The following ERCC6L2 variants were observed in gnomAD, a reference collection of about 807,000 sequenced individuals.
ERCC6L2 encodes the protein ERCC excision repair 6 like 2, also known as DNA excision repair protein ERCC-6-like 2.
Under a neutral mutation model 132.0 loss-of-function variants are expected in ERCC6L2, and 77 were observed. That is an observed-to-expected ratio of 0.58 (90% CI 0.49 to 0.71). The LOEUF is 0.71. ERCC6L2 is among the 30% of genes least tolerant of loss of function. ERCC6L2 has a pLI of 0.00. For synonymous variants in ERCC6L2, 583 were observed against 632.4 expected (o/e 0.92, Z 1.17); for missense variants, 1,542 against 1,837.6 (o/e 0.84, Z 2.94).
intron 17 of ERCC6L2, among the ~76,000 whole-genome samples, chr9:95,980,628 C>T (rs1274540679): frequency 6.6e-6 from 1 of 152,116 alleles, no homozygotes; most frequent in Non-Finnish European, 1.5e-5. Flanking sequence ...ATGAGGAAAT[C>T]ATTGAAACAC....
At chr9:95,976,252 C>CTTG (rs1470787513) in intron 16 of ERCC6L2, among the ~76,000 whole-genome samples, 1 of 152,150 alleles carries the variant, frequency 6.6e-6, no homozygotes, top group Admixed American at 6.6e-5. Context: ...TGCCCTCATC[C>CTTG]TTGTTCTTCC....
rs774799814 is a variant in ERCC6L2, at chr9:95,916,444, G to A, written c.1158+10G>A. ...TAAGAAGGAAGACCGGGTAAGAACCGCATTTGTATATATTATTAATTTGTG... is the reference window on the plus strand; with the variant it reads ...TAAGAAGGAAGACCGGGTAAGAACCACATTTGTATATATTATTAATTTGTG... On this transcript the variant is annotated intron_variant, in intron 6 of 18. Coordinates refer to ENST00000653738, the MANE Select transcript of ERCC6L2 (RefSeq NM_020207.7). 1.8e-5 allele frequency: 27 copies of A among 1,502,932 alleles called. No homozygotes were observed. Among genetic ancestry groups the A allele is most frequent in the South Asian group, 4.2e-5 (3 of 72,234 alleles). The allele number at this position is 1,502,932 out of a possible 1,614,324, so 93.1% of individuals were successfully genotyped here. A position where few individuals can be genotyped will look rare whatever the true frequency, so the allele number is the denominator to read the frequency against.
downstream of ERCC6L2, chr9:96,020,322 G>C (rs755791746): frequency 1.1e-5 from 2 of 178,810 alleles, no homozygotes; most frequent in Non-Finnish European, 2.4e-5. Flanking sequence ...GGGAAACAGA[G>C]CCAAACCATA....
At chr9:95,935,526 T>C (rs1830515657) in intron 11 of ERCC6L2, among the ~76,000 whole-genome samples, 1 of 152,040 alleles carries the variant, frequency 6.6e-6, no homozygotes, top group Non-Finnish European at 1.5e-5. Flanking sequence ...TTCAGAAACA[T>C]GTAAAAGGAT....
intron 2 of ERCC6L2, among the ~76,000 whole-genome samples, chr9:95,890,601 T>G (rs1388410309): frequency 6.6e-6 from 1 of 152,234 alleles, no homozygotes; most frequent in Admixed American, 6.5e-5. Context: ...ACTTTGTTTA[T>G]TATATACAAG....
intron 13 of ERCC6L2, among the ~76,000 whole-genome samples, chr9:95,958,764 A>C (rs1831746791): frequency 1.3e-5 from 2 of 152,020 alleles, no homozygotes; most frequent in African/African-American, 4.8e-5. Context: ...TCATGAGTGA[A>C]CTCCCATTCA....
At chr9:96,010,975 G>A (rs1834008075) in intron 18 of ERCC6L2, among the ~76,000 whole-genome samples, 1 of 152,212 alleles carries the variant, frequency 6.6e-6, no homozygotes. Context: ...TTTTAATCAA[G>A]TGCTGCTGCA....
Position 95,889,678 on chromosome 9 carries a change from AC to A in ERCC6L2, c.472-8170del, listed in dbSNP as rs200441108. Among the ~76,000 whole-genome samples, 151 of 152,264 alleles carry A rather than the reference AC, an allele frequency of 9.9e-4. 3 individuals carry two copies. The East Asian group carries it at 0.023, about 24-fold the overall frequency. ...TCCAGTCAATATGCCAATTACCTATACTTTTAATTATAAATTTTCTGTGATC... is the reference window on the plus strand; with the variant it reads ...TCCAGTCAATATGCCAATTACCTATATTTTAATTATAAATTTTCTGTGATC... On this transcript the variant is annotated intron_variant, in intron 2 of 18. Coordinates refer to ENST00000653738, the MANE Select transcript of ERCC6L2 (RefSeq NM_020207.7).
At chr9:95,974,176 C>G (rs1306470631) in intron 16 of ERCC6L2, among the ~76,000 whole-genome samples, 3 of 152,054 alleles carry the variant, frequency 2.0e-5, no homozygotes, top group African/African-American at 7.2e-5. Flanking sequence ...CTCTTTCTTT[C>G]GATTTCATTT....
intron 17 of ERCC6L2, among the ~76,000 whole-genome samples, chr9:95,979,701 C>T (rs918770316): frequency 1.3e-5 from 2 of 152,174 alleles, no homozygotes; most frequent in African/African-American, 4.8e-5. Context: ...TACTCATCTT[C>T]TCATTTGATC....
At chr9:95,915,124 G>T (rs1829520605) in intron 4 of ERCC6L2, among the ~76,000 whole-genome samples, 1 of 152,088 alleles carries the variant, frequency 6.6e-6, no homozygotes, top group Non-Finnish European at 1.5e-5. Context: ...CGGCTGTTCA[G>T]TGTTTCCCCC....
Position 95,876,090 on chromosome 9 carries a change from A to G in ERCC6L2, c.46+6A>G. The G allele has an allele frequency of 1.3e-6, 2 of 1,569,006 alleles. No individual in the cohort carries two copies. The highest frequency in any genetic ancestry group is 8.6e-7 in the Non-Finnish European group (1 of 1,157,416). ...CGCGGAAACCTCAGGCAAAGGTACCAGCTCCGCGCTCGCCCCTTACGCAGA... is the reference window on the plus strand; with the variant it reads ...CGCGGAAACCTCAGGCAAAGGTACCGGCTCCGCGCTCGCCCCTTACGCAGA... On this transcript the variant is annotated splice_donor_region_variant and intron_variant, in intron 1 of 18. Coordinates refer to ENST00000653738, the MANE Select transcript of ERCC6L2 (RefSeq NM_020207.7).
At chr9:96,019,234 A>C (rs1834243116), downstream of ERCC6L2, among the ~76,000 whole-genome samples, 1 of 152,158 alleles carries the variant, frequency 6.6e-6, no homozygotes. Context: ...ATAATAGCTA[A>C]TTCATATTTT....
chr9:95,967,775 T>C (rs1165849891), intron 14 of ERCC6L2: 2 of 152,162 alleles, frequency 1.3e-5, no homozygotes, highest in Non-Finnish European at 2.9e-5. Context: ...CCCCTTGCTT[T>C]TTAAATACGC....
chr9:95,951,314 C>G (rs117633833), intron 12 of ERCC6L2, among the ~76,000 whole-genome samples: 1 of 151,854 alleles, frequency 6.6e-6, no homozygotes, highest in Non-Finnish European at 1.5e-5. Context: ...AAAAGTAATG[C>G]TAAGAGGGAA....
intron 4 of ERCC6L2, among the ~76,000 whole-genome samples, chr9:95,907,980 C>G (rs12552355): frequency 6.6e-6 from 1 of 152,020 alleles, no homozygotes; most frequent in Admixed American, 6.6e-5. Flanking sequence ...GGATTTTGAT[C>G]TTTATCCTGA....
intron 19 of ERCC6L2, among the ~76,000 whole-genome samples, chr9:96,033,495 C>T (rs776725458): frequency 6.6e-6 from 1 of 152,212 alleles, no homozygotes; most frequent in Non-Finnish European, 1.5e-5. Context: ...GATCCGCCTG[C>T]CTTGGCCTCC....
At chr9:95,887,652 CT>C (rs1375179269) in intron 2 of ERCC6L2, among the ~76,000 whole-genome samples, 2 of 152,022 alleles carry the variant, frequency 1.3e-5, no homozygotes, top group African/African-American at 4.8e-5. Context: ...TGAAGGCTGT[CT>C]TATTAAAAAG....
chr9:95,932,594 C>T (rs1175542371), intron 11 of ERCC6L2, among the ~76,000 whole-genome samples: 2 of 152,014 alleles, frequency 1.3e-5, no homozygotes, highest in African/African-American at 4.8e-5. Flanking sequence ...GGTATGAAGC[C>T]ACCCTATCCA....
Sources: allele counts gnomAD v4.1 joint callset (sites outside exome capture counted in the v4.1 genomes callset), GRCh38; gene constraint gnomAD v4.1.1; transcripts MANE v1.5; gene names NCBI Gene and HGNC (gene_info 2026-07-23, HGNC 2026-07-21).